Variants in DENND6A observed in about 807,000 individuals in gnomAD.
DENND6A encodes the protein protein DENND6A.
Under a neutral mutation model 95.5 loss-of-function variants are expected in DENND6A, and 43 were observed. That is an observed-to-expected ratio of 0.45 (90% CI 0.35 to 0.58). The LOEUF is 0.58. Among genes scored for constraint, DENND6A ranks in the 20% least tolerant of loss-of-function variants. The pLI is 0.00. For synonymous variants in DENND6A, 257 were observed against 260.4 expected (o/e 0.99, Z 0.13); for missense variants, 574 against 736.0 (o/e 0.78, Z 2.55).
At position 57,645,707 on chromosome 3, in the gene DENND6A, T is replaced by G; in HGVS notation, c.991A>C (p.Ile331Leu). 1 of 1,613,594 alleles carries G rather than the reference T, an allele frequency of 6.2e-7. No homozygotes were observed. The highest frequency in any genetic ancestry group is 1.1e-5 in the South Asian group (1 of 91,044). The change falls in exon 11 of 20, where the codon ATT becomes CTT. Residue 331 changes from isoleucine to leucine, a missense_variant. Physicochemically the swap from Ile to Leu is conservative, Grantham distance 5. Transcript: ENST00000311128. ...YFSDFRPYFT[I>L]HDSEFKEYTT... ...TATTCTTTGAATTCACTATCATGAATAGTGAAATAAGGTCGGAAATCACTG... is the reference window on the plus strand; with the variant it reads ...TATTCTTTGAATTCACTATCATGAAGAGTGAAATAAGGTCGGAAATCACTG...
intron 1 of DENND6A, among the ~76,000 whole-genome samples, chr3:57,674,490 A>G (rs1490700243): frequency 6.6e-6 from 1 of 151,762 alleles, no homozygotes; most frequent in African/African-American, 2.4e-5. Context: ...AATTAGCTGA[A>G]CATGGTGGTA....
At chr3:57,647,173 TAAAAA>T (rs1175695736) in intron 9 of DENND6A, among the ~76,000 whole-genome samples, 1 of 151,338 alleles carries the variant, frequency 6.6e-6, no homozygotes, top group African/African-American at 2.4e-5. Context: ...CACATGCAAA[TAAAAA>T]AGAAAAGAAA....
chr3:57,648,557 A>G (rs1184442609), intron 9 of DENND6A, among the ~76,000 whole-genome samples: 1 of 152,246 alleles, frequency 6.6e-6, no homozygotes, highest in Admixed American at 6.5e-5. Flanking sequence ...CTGCATAGCT[A>G]AAGTAAGACT....
Position 57,633,314 on chromosome 3 carries a change from A to G in DENND6A, c.1304T>C (p.Ile435Thr), listed in dbSNP as rs1254188424. The change falls in exon 15 of 20, where the codon ATT becomes ACT. Residue 435 changes from isoleucine to threonine, a missense_variant. Physicochemically the swap from Ile to Thr is moderately conservative, Grantham distance 89 (BLOSUM62 -1). Transcript: ENST00000311128. The part of the protein sequence containing the change: ...QKRPSEAQSV[I>T]LRRYFLELTQ... ...CAGTTCCAAAAAATAGCGTCGAAGA[A>G]TAACACTTTGAGCCTCAGAAGGACG... is the stretch of plus-strand genomic sequence containing the variant. 29 of 1,613,848 alleles carry G rather than the reference A, an allele frequency of 1.8e-5. No individual in the cohort carries two copies. Among genetic ancestry groups the G allele is most frequent in the Admixed American group, 8.3e-5 (5 of 59,990 alleles).
At position 57,660,807 on chromosome 3, in the gene DENND6A, C is replaced by G. The variant is rs764299998; in HGVS notation, c.652G>C (p.Val218Leu). ...GGCAGGTGTAATGTTTTCCCTGGCA[C>G]TGGGGCAGGCCATCGATCAACATCA... ...CNDVDRWPAP[V>L]PGKTLHLPIM... Residue 218 changes from valine to leucine, a missense_variant, in exon 7 of 20, where the codon GTG becomes CTG. Around this residue, in one of 2 missense-constraint regions of DENND6A, gnomAD observed 452 missense variants for 630.9 expected, o/e 0.72. Transcript: ENST00000311128. 1 of 1,609,390 alleles carries G rather than the reference C, an allele frequency of 6.2e-7. No homozygotes were observed.
At chr3:57,638,544 GCGA>G (rs1320094705) in intron 12 of DENND6A, among the ~76,000 whole-genome samples, 5 of 152,154 alleles carry the variant, frequency 3.3e-5, no homozygotes, top group African/African-American at 1.2e-4. Context: ...TGTAATCTCA[GCGA>G]CTCGGGGAGC....
intron 18 of DENND6A, among the ~76,000 whole-genome samples, chr3:57,629,265 G>T (rs1214675352): frequency 6.6e-6 from 1 of 152,134 alleles, no homozygotes; most frequent in Admixed American, 6.5e-5. Context: ...TTTACTACTG[G>T]ATGTACACTT....
intron 1 of DENND6A, among the ~76,000 whole-genome samples, chr3:57,692,229 CAAAAAAAAA>C (rs11303769): frequency 2.7e-5 from 2 of 72,872 alleles, no homozygotes; most frequent in Non-Finnish European, 5.2e-5. Flanking sequence ...AACTCCGTCT[CAAAAAAAAA>C]AAAAAAAAAA....
chr3:57,686,434 T>C (rs567669787), intron 1 of DENND6A, among the ~76,000 whole-genome samples: 80 of 152,214 alleles, frequency 5.3e-4, no homozygotes, highest in Non-Finnish European at 9.8e-4. Context: ...TTTATTAATA[T>C]AGGCATACCT....
At chr3:57,630,582 T>C in intron 17 of DENND6A, 59 bp from the exon 18 acceptor site, 1 of 1,532,436 alleles carries the variant, frequency 6.5e-7, no homozygotes, top group Non-Finnish European at 8.8e-7. Context: ...CTTTCCTCAA[T>C]ACCTTTCCTA....
chr3:57,686,299 G>A (rs574180210), intron 1 of DENND6A, among the ~76,000 whole-genome samples: 254 of 152,178 alleles, frequency 1.7e-3, no homozygotes, highest in African/African-American at 6.0e-3. Flanking sequence ...AGTTACTAAA[G>A]TTTATATCAT....
chr3:57,683,346 G>A (rs2077183151), intron 1 of DENND6A, among the ~76,000 whole-genome samples: 1 of 152,096 alleles, frequency 6.6e-6, no homozygotes, highest in African/African-American at 2.4e-5. Flanking sequence ...GCACTGTATT[G>A]TATCAATTAA....
chr3:57,686,639 T>G (rs2077213996), intron 1 of DENND6A, among the ~76,000 whole-genome samples: 1 of 152,196 alleles, frequency 6.6e-6, no homozygotes. Flanking sequence ...TCTGTTACAG[T>G]GGTCTGTGAT....
chr3:57,646,137 T>C (rs1364641179), intron 10 of DENND6A, among the ~76,000 whole-genome samples, 179 bp downstream of exon 10: 1 of 152,228 alleles, frequency 6.6e-6, no homozygotes, highest in Non-Finnish European at 1.5e-5. Flanking sequence ...GAATCAATTT[T>C]CTCATCCATA....
chr3:57,632,537 A>G (rs1396522473), intron 15 of DENND6A, among the ~76,000 whole-genome samples: 1 of 152,186 alleles, frequency 6.6e-6, no homozygotes, highest in East Asian at 1.9e-4. Context: ...GATTTAATGG[A>G]ATAAATAACT....
intron 1 of DENND6A, among the ~76,000 whole-genome samples, 169 bp downstream of exon 1, chr3:57,692,613 C>T (rs112192356): frequency 0.011 from 1,688 of 152,358 alleles, 23 homozygotes; most frequent in African/African-American, 0.039. Context: ...GATCCTCCCA[C>T]GGGAAGTGCC....
chr3:57,655,696 C>T (rs2071311098), intron 9 of DENND6A, among the ~76,000 whole-genome samples: 1 of 152,154 alleles, frequency 6.6e-6, no homozygotes, highest in Non-Finnish European at 1.5e-5. Flanking sequence ...TGTGTTTAAA[C>T]TTGGGCCCAT....
Position 57,646,861 on chromosome 3 carries a change from C to T in DENND6A, c.819-423G>A, listed in dbSNP as rs564800207. Among the ~76,000 whole-genome samples, 2 of 152,266 alleles carry T rather than the reference C, an allele frequency of 1.3e-5. 1 individual carries two copies. The highest frequency in any genetic ancestry group is 4.1e-4 in the South Asian group (2 of 4,830). The stretch of plus-strand genomic sequence containing the variant: ...GATATACTTAACTTAAAACCCAATA[C>T]TTCTGACATTAAAGAATGATGACAA... On this transcript the variant is annotated intron_variant, in intron 9 of 19. Transcript: ENST00000311128.
intron 8 of DENND6A, among the ~76,000 whole-genome samples, chr3:57,658,008 G>A (rs893142509): frequency 1.3e-5 from 2 of 152,066 alleles, no homozygotes; most frequent in African/African-American, 2.4e-5. Context: ...AGGACAAGGC[G>A]GGCGGATCAC....
Sources: gnomAD v4.1 joint callset for allele counts (sites outside exome capture counted in the v4.1 genomes callset) on GRCh38, gnomAD v4.1.1 for gene constraint, gnomAD v4.1.1 regional missense constraint, MANE v1.5 for transcripts, NCBI Gene and HGNC (gene_info 2026-07-23, HGNC 2026-07-21) for gene names.